KIAA1549L: variants seen among roughly 807,000 people sequenced by gnomAD.
KIAA1549L encodes KIAA1549 like.
In KIAA1549L, 88 loss-of-function variants were observed where a neutral mutation model predicts 160.7. The ratio of observed to expected loss-of-function variants is 0.55; its 90% CI spans 0.46 to 0.65. KIAA1549L has a LOEUF of 0.65. Ranked by LOEUF, KIAA1549L falls within the 30% of genes least tolerant of loss-of-function variation. KIAA1549L has a pLI of 0.00. For synonymous variants in KIAA1549L, 950 were observed against 976.7 expected (o/e 0.97, Z 0.51); for missense variants, 2,258 against 2,437.5 (o/e 0.93, Z 1.55).
At chr11:33,423,876 A>G (rs995324115) in intron 1 of KIAA1549L, among the ~76,000 whole-genome samples, 1 of 152,120 alleles carries the variant, frequency 6.6e-6, no homozygotes, top group Non-Finnish European at 1.5e-5. Context: ...AATAATAATA[A>G]AAGCTAGCTG....
chr11:33,501,161 G>T (rs1435313926), intron 1 of KIAA1549L, among the ~76,000 whole-genome samples: 1 of 152,192 alleles, frequency 6.6e-6, no homozygotes, highest in African/African-American at 2.4e-5. Flanking sequence ...TGAAGCTATT[G>T]GAAAGGCCTA....
At chr11:33,527,316 A>AAAAC (rs1429264586) in intron 1 of KIAA1549L, among the ~76,000 whole-genome samples, 2 of 152,220 alleles carry the variant, frequency 1.3e-5, no homozygotes, top group African/African-American at 4.8e-5. Flanking sequence ...GATCTTCAAC[A>AAAAC]AAACAAACAA....
chr11:33,588,265 TC>T (rs1279892061), intron 11 of KIAA1549L, among the ~76,000 whole-genome samples: 1 of 152,130 alleles, frequency 6.6e-6, no homozygotes, highest in Non-Finnish European at 1.5e-5. Context: ...CCAAGGACAG[TC>T]CCTATCGTTG....
chr11:33,543,677 G>A lies in KIAA1549L; in HGVS notation c.2114G>A (p.Gly705Glu). The A allele has an allele frequency of 6.2e-7, 1 of 1,613,978 alleles. No individual in the cohort carries two copies. Among genetic ancestry groups the A allele is most frequent in the Non-Finnish European group, 8.5e-7 (1 of 1,179,892 alleles). ...TGGAGTTCTCTTTCAGCAGAAACTG[G>A]ATCTCTTTCCACAGAATCAATAATA... ...VFWSSLSAET[G>E]SLSTESIISG... The change falls in exon 2 of 21, where the codon GGA (glycine) becomes GAA (glutamate). Residue 705 changes from glycine to glutamate, a missense_variant. Transcript: ENST00000658780.
intron 1 of KIAA1549L, among the ~76,000 whole-genome samples, chr11:33,471,860 C>T (rs1157477822): frequency 6.6e-6 from 1 of 152,242 alleles, no homozygotes; most frequent in Non-Finnish European, 1.5e-5. Flanking sequence ...CTGCGAGTCT[C>T]TGAGCCCTTG....
intron 10 of KIAA1549L, among the ~76,000 whole-genome samples, chr11:33,582,820 C>T (rs749351945): frequency 1.3e-5 from 2 of 152,216 alleles, no homozygotes; most frequent in African/African-American, 2.4e-5. Context: ...TTTCCAAGCT[C>T]CCAGCCAGCT....
intron 6 of KIAA1549L, 129 bp from the exon 7 acceptor site, chr11:33,559,620 C>CT: frequency 1.4e-6 from 1 of 705,586 alleles, no homozygotes; most frequent in Non-Finnish European, 2.5e-6. Flanking sequence ...CTGTTCCTTG[C>CT]TGTTTCCCTG....
Position 33,544,244 on chromosome 11 carries a change from A to T in KIAA1549L, c.2681A>T (p.His894Leu), listed in dbSNP as rs779935668. 2 of 1,613,926 alleles carry T rather than the reference A, an allele frequency of 1.2e-6. No homozygotes were observed. The highest frequency in any genetic ancestry group is 2.2e-5 in the East Asian group (1 of 44,876). Reference sequence around the variant, plus strand: ...CCATTCCAGAACATCTTGGGATATCACTCTGCTGCTGAATCTTCTATATCG... The same window carrying T: ...CCATTCCAGAACATCTTGGGATATCTCTCTGCTGCTGAATCTTCTATATCG... ...STPFQNILGY[H>L]SAAESSISTS... is the part of the protein sequence containing the mutation. The change falls in exon 2 of 21, where the codon CAC becomes CTC. Residue 894 changes from histidine to leucine, a missense_variant. Transcript: ENST00000658780.
rs1194795118 is a variant in KIAA1549L, at chr11:33,435,219, TAAG to T, written c.238+58336_238+58338del. Among the ~76,000 whole-genome samples the T allele has an allele frequency of 2.0e-5, 3 of 152,210 alleles. 1 individual carries two copies. Among genetic ancestry groups the T allele is most frequent in the South Asian group, 4.1e-4 (2 of 4,826 alleles). On this transcript the variant is annotated intron_variant, in intron 1 of 20. Transcript: ENST00000658780. The stretch of plus-strand genomic sequence containing the variant: ...CCAAGGGTGTTTCTGATTTGCAAAG[TAAG>T]AAGAATTGCCTTGTATCTAGCTAAT...
intron 1 of KIAA1549L, among the ~76,000 whole-genome samples, chr11:33,530,399 C>G (rs1853712728): frequency 8.8e-6 from 1 of 113,794 alleles, no homozygotes; most frequent in Non-Finnish European, 1.8e-5. Context: ...GAGACTCCGT[C>G]TAAAGAAGAA....
Position 33,604,660 on chromosome 11 carries a change from ATGGAGC to A in KIAA1549L, c.4880-1979_4880-1974del, listed in dbSNP as rs574770485. Reference sequence around the variant, plus strand: ...AATAATGTCTTTTGCAGCAACTTGGATGGAGCTAGAGGCCATTATTCTAAGTGAAGT... The same window carrying A: ...AATAATGTCTTTTGCAGCAACTTGGATAGAGGCCATTATTCTAAGTGAAGT... On this transcript the variant is annotated intron_variant, in intron 13 of 20. Coordinates refer to ENST00000658780, the MANE Select transcript of KIAA1549L (RefSeq NM_012194.3). Among the ~76,000 whole-genome samples, 35 of 152,340 alleles carry A rather than the reference ATGGAGC, an allele frequency of 2.3e-4. No individual in the cohort carries two copies. The South Asian group carries it at 6.8e-3, about 30-fold the overall frequency.
intron 1 of KIAA1549L, among the ~76,000 whole-genome samples, chr11:33,419,680 C>A (rs1850960348): frequency 6.6e-6 from 1 of 151,778 alleles, no homozygotes; most frequent in African/African-American, 2.4e-5. Flanking sequence ...ACCCCATCTC[C>A]ACTAAAAAAT....
rs567173075 is a variant in KIAA1549L at position 33,515,583 on chromosome 11, C to T, written c.239-26219C>T. 7.9e-5 allele frequency among the ~76,000 whole-genome samples: 12 copies of T among 152,212 alleles called. No individual in the cohort carries two copies. The South Asian group carries it at 2.1e-3, about 26-fold the overall frequency. On this transcript the variant is annotated intron_variant, in intron 1 of 20. Transcript: ENST00000658780. ...CCCACGTGGGTGGTGAGCAGGAAAT[C>T]GTCAGCAAGGGAATCATGAGTATCT...
chr11:33,539,883 C>G (rs1277458121), intron 1 of KIAA1549L, among the ~76,000 whole-genome samples: 1 of 152,214 alleles, frequency 6.6e-6, no homozygotes, highest in East Asian at 1.9e-4. Flanking sequence ...TAATGACTTT[C>G]ACATGTGAAT....
chr11:33,622,117 TCA>T (rs889264154), intron 16 of KIAA1549L, among the ~76,000 whole-genome samples: 7 of 152,266 alleles, frequency 4.6e-5, no homozygotes, highest in African/African-American at 1.4e-4. Flanking sequence ...AAAGAGGCGA[TCA>T]CAGTCATTAG....
At chr11:33,384,866 G>T (rs779535226) in intron 1 of KIAA1549L, among the ~76,000 whole-genome samples, 1 of 151,026 alleles carries the variant, frequency 6.6e-6, no homozygotes, top group Non-Finnish European at 1.5e-5. Context: ...CTTTTTATCA[G>T]ATAGGTGTTT....
chr11:33,473,953 C>G (rs1852234276), intron 1 of KIAA1549L, among the ~76,000 whole-genome samples: 1 of 152,144 alleles, frequency 6.6e-6, no homozygotes, highest in Non-Finnish European at 1.5e-5. Context: ...AGCATGGCTC[C>G]AGCATCTGCT....
intron 11 of KIAA1549L, among the ~76,000 whole-genome samples, 181 bp downstream of exon 11, chr11:33,583,682 C>A (rs1444908925): frequency 1.3e-5 from 2 of 152,218 alleles, no homozygotes; most frequent in African/African-American, 4.8e-5. Flanking sequence ...ATCTGATGCC[C>A]ATTCGGCCAT....
chr11:33,625,221 G>T (rs1051141863), intron 16 of KIAA1549L, among the ~76,000 whole-genome samples: 1 of 151,698 alleles, frequency 6.6e-6, no homozygotes, highest in African/African-American at 2.4e-5. Flanking sequence ...ATAAACATAC[G>T]TGTGCATGTG....
Sources: allele counts gnomAD v4.1 joint callset (sites outside exome capture counted in the v4.1 genomes callset), GRCh38; gene constraint gnomAD v4.1.1; transcripts MANE v1.5; gene names NCBI Gene and HGNC (gene_info 2026-07-23, HGNC 2026-07-21).